Variants in NECTIN3 observed in about 807,000 individuals in gnomAD.
The protein encoded by NECTIN3 is nectin cell adhesion molecule 3.
A neutral mutation model predicts 49.4 loss-of-function variants in NECTIN3; 8 were observed. The ratio of observed to expected loss-of-function variants is 0.16; its 90% CI spans 0.10 to 0.29. NECTIN3 has a LOEUF of 0.29. Among genes scored for constraint, NECTIN3 ranks in the 10% least tolerant of loss-of-function variants. NECTIN3 has a pLI of 1.00. For synonymous variants in NECTIN3, 277 were observed against 241.1 expected, an observed-to-expected ratio of 1.15 and a Z score of -1.38; for missense variants, 581 against 654.6, an observed-to-expected ratio of 0.89 and a Z score of 1.23.
chr3:111,081,846 G>T (rs182203764), intron 1 of NECTIN3, among the ~76,000 whole-genome samples: 1 of 152,180 alleles, frequency 6.6e-6, no homozygotes, highest in African/African-American at 2.4e-5. Context: ...GAGGGAAGTC[G>T]TGGATTTTTA....
In NECTIN3 at chr3:111,135,040, T is replaced by TAA; in HGVS notation, c.*826_*827insAA. ...TAGCAGTAGCCTTATTTTAATGCTT[T>TAA]ATGTCCTAAACATACTAATAGAAAT... On this transcript the variant is annotated 3_prime_UTR_variant, in exon 6 of 6. Transcript: ENST00000485303. 2 of 981,652 alleles carry TAA rather than the reference T, an allele frequency of 2.0e-6. No individual in the cohort carries two copies. The highest frequency in any genetic ancestry group is 2.4e-6 in the Non-Finnish European group (2 of 826,610). 60.8% of individuals were successfully genotyped at this position (981,652 alleles called of 1,614,324 possible).
chr3:111,144,441 A>G (rs6437952), intron 5 of NECTIN3, among the ~76,000 whole-genome samples: 44,359 of 151,482 alleles, frequency 0.29, 12,135 homozygotes, highest in African/African-American at 0.7. Flanking sequence ...GATCTGGGAT[A>G]TTTTCTGTTT....
chr3:111,178,921 A>T (rs575348320), intron 7 of NECTIN3, among the ~76,000 whole-genome samples: 1 of 152,368 alleles, frequency 6.6e-6, no homozygotes, highest in South Asian at 2.1e-4. Flanking sequence ...GGGGACAGTG[A>T]TATTGCCTCA....
chr3:111,150,928 A>G (rs2034988276), intron 7 of NECTIN3, among the ~76,000 whole-genome samples: 1 of 151,986 alleles, frequency 6.6e-6, no homozygotes, highest in African/African-American at 2.4e-5. Flanking sequence ...AACATGATAA[A>G]TATAGATAGC....
At chr3:111,190,210 C>A (rs1576190351), upstream of NECTIN3, among the ~76,000 whole-genome samples, 7 of 152,276 alleles carry the variant, frequency 4.6e-5, no homozygotes, top group East Asian at 1.4e-3. Context: ...TGGACTTTTA[C>A]CAGTGTGTAC....
At position 111,137,506 on chromosome 3, in the gene NECTIN3, C is replaced by G; in HGVS notation, c.*3291C>G. 1 of 974,176 alleles carries G rather than the reference C, an allele frequency of 1.0e-6. No homozygotes were observed. The highest frequency in any genetic ancestry group is 4.8e-5 in the South Asian group (1 of 20,982). 60.3% of individuals were successfully genotyped at this position (974,176 alleles called of 1,614,324 possible). A position where few individuals can be genotyped will look rare whatever the true frequency, so the allele number is the denominator to read the frequency against. On this transcript the variant is annotated 3_prime_UTR_variant, in exon 6 of 6. Transcript: ENST00000485303. ...CCAACCTGTGTATTAGGTGTTAGCCCCAATAGCCATGCATGAAATCTTTAA... is the reference window on the plus strand; with the variant it reads ...CCAACCTGTGTATTAGGTGTTAGCCGCAATAGCCATGCATGAAATCTTTAA...
At chr3:111,185,708 G>A (rs908139190) in intron 7 of NECTIN3, among the ~76,000 whole-genome samples, 4 of 152,168 alleles carry the variant, frequency 2.6e-5, no homozygotes, top group African/African-American at 9.7e-5. Flanking sequence ...CAGAGAAAAT[G>A]ACTGGGTTTT....
chr3:111,079,907 A>G (rs924450108), intron 1 of NECTIN3, among the ~76,000 whole-genome samples: 2 of 152,102 alleles, frequency 1.3e-5, no homozygotes, highest in Non-Finnish European at 2.9e-5. Context: ...CCTAGTTCAT[A>G]TTAAAAGCAG....
chr3:111,173,747 C>T (rs188024795), intron 7 of NECTIN3, among the ~76,000 whole-genome samples: 3 of 152,192 alleles, frequency 2.0e-5, no homozygotes, highest in Admixed American at 2.0e-4. Flanking sequence ...AAACAATATC[C>T]TTTTGTCTCA....
intron 7 of NECTIN3, among the ~76,000 whole-genome samples, chr3:111,186,965 G>C (rs1002439052): frequency 6.6e-6 from 1 of 152,150 alleles, no homozygotes. Flanking sequence ...CATATGTACA[G>C]TATTATTTAA....
chr3:111,078,251 TCCTA>T, intron 1 of NECTIN3, among the ~76,000 whole-genome samples: 1 of 152,186 alleles, frequency 6.6e-6, no homozygotes, highest in African/African-American at 2.4e-5. Context: ...ACATTGCTCT[TCCTA>T]CCTAATCAAA....
chr3:111,144,421 A>ATTT (rs569889197), intron 5 of NECTIN3, among the ~76,000 whole-genome samples: 7 of 151,504 alleles, frequency 4.6e-5, no homozygotes, highest in African/African-American at 1.5e-4. Flanking sequence ...GTCCAATGTC[A>ATTT]ATTTTTTTTG....
chr3:111,150,903 T>C (rs1576164404), intron 7 of NECTIN3, among the ~76,000 whole-genome samples: 2 of 152,084 alleles, frequency 1.3e-5, no homozygotes, highest in Middle Eastern at 6.8e-3. Context: ...TTTAAAACTC[T>C]TAGTTTAAAT....
chr3:111,072,079 C>T lies in NECTIN3; in HGVS notation c.62C>T (p.Ser21Phe). 1 of 1,549,392 alleles carries T rather than the reference C, an allele frequency of 6.5e-7. No homozygotes were observed. The highest frequency in any genetic ancestry group is 8.7e-7 in the Non-Finnish European group (1 of 1,146,110). ...GGAGGCGGCAAAGCACAACTTTCCT[C>T]CGCTTCTCTCCTCGGAGCCGGGCTC... is the stretch of plus-strand genomic sequence containing the variant. The part of the protein sequence containing the change: ...CPGGGKAQLS[S>F]ASLLGAGLLL... The change falls in exon 1 of 6, where the codon TCC becomes TTC. Residue 21 changes from serine (S) to phenylalanine (F), a missense_variant. Around this residue, in one of 3 missense-constraint regions of NECTIN3, gnomAD observed 109 missense variants for 69.1 expected, o/e 1.58. Transcript: ENST00000485303.
At chr3:111,142,572 CA>C (rs1288005478) in intron 5 of NECTIN3, among the ~76,000 whole-genome samples, 1 of 151,618 alleles carries the variant, frequency 6.6e-6, no homozygotes, top group African/African-American at 2.4e-5. Flanking sequence ...AGCATTACTT[CA>C]AGATATTAAA....
In NECTIN3 at chr3:111,134,210, G is replaced by A. The variant is rs143220633; in HGVS notation, c.1645G>A (p.Val549Ile). 3.8e-4 allele frequency: 610 copies of A among 1,590,296 alleles called. No homozygotes were observed. Among genetic ancestry groups the A allele is most frequent in the Middle Eastern group, 2.5e-3 (15 of 5,910 alleles). Reference sequence around the variant, plus strand: ...CGTAATTTCCAGGAGGGAGTGGTATGTTTAGCAACCACTGAATGTGACTTA... The same window carrying A: ...CGTAATTTCCAGGAGGGAGTGGTATATTTAGCAACCACTGAATGTGACTTA... ...GSVISRREWY[V>I] is the part of the protein sequence containing the mutation. The change falls in exon 6 of 6, where the codon GTT becomes ATT. Residue 549 changes from valine (V) to isoleucine (I), a missense_variant. Coordinates refer to ENST00000485303, the MANE Select transcript of NECTIN3 (RefSeq NM_015480.3).
chr3:111,164,769 C>T (rs2035285928), intron 7 of NECTIN3, among the ~76,000 whole-genome samples: 1 of 152,150 alleles, frequency 6.6e-6, no homozygotes, highest in Non-Finnish European at 1.5e-5. Flanking sequence ...ATCAGCATGA[C>T]CTCATTTTAA....
intron 5 of NECTIN3, among the ~76,000 whole-genome samples, chr3:111,132,899 T>C (rs2034444781): frequency 6.6e-6 from 1 of 151,982 alleles, no homozygotes; most frequent in Non-Finnish European, 1.5e-5. Flanking sequence ...TATTTTTACT[T>C]TGTCTATTAG....
chr3:111,176,137 C>T (rs576924503), intron 7 of NECTIN3, among the ~76,000 whole-genome samples: 1 of 152,240 alleles, frequency 6.6e-6, no homozygotes, highest in African/African-American at 2.4e-5. Flanking sequence ...ATATGAATTA[C>T]GTGTACATGA....
Sources: allele counts gnomAD v4.1 joint callset (sites outside exome capture counted in the v4.1 genomes callset), GRCh38; gene constraint gnomAD v4.1.1; regional missense constraint gnomAD v4.1.1; transcripts MANE v1.5; gene names NCBI Gene and HGNC (gene_info 2026-07-23, HGNC 2026-07-21).